The following POLD2 variants were observed in gnomAD, a reference collection of about 807,000 sequenced individuals.
POLD2 encodes the protein DNA polymerase delta 2, accessory subunit, also known as DNA polymerase delta subunit 2.
A neutral mutation model predicts 48.8 loss-of-function variants in POLD2; 31 were observed. The ratio of observed to expected loss-of-function variants is 0.64; its 90% confidence interval spans 0.48 to 0.86. The LOEUF (loss-of-function observed/expected upper bound fraction) is 0.86. Ranked by LOEUF, POLD2 falls within the 40% of genes least tolerant of loss-of-function variation. The pLI is 0.00. For missense variants in POLD2, 455 were observed against 610.1 expected (o/e 0.75, Z 2.68); for synonymous variants, 233 against 256.3 (o/e 0.91, Z 0.87).
In POLD2 at chr7:44,117,174, G is replaced by T. The variant is rs766263418; in HGVS notation, c.540C>A (p.Asp180Glu). 1.2e-6 allele frequency: 2 copies of T among 1,614,068 alleles called. No individual in the cohort carries two copies. The highest frequency in any genetic ancestry group is 2.2e-5 in the South Asian group (2 of 91,082). ...KFLVEDYCFA[D>E]LAPQKPAPPL... ...GGGGTGCGGGCTTCTGGGGAGCAAG[G>T]TCAGCAAAGCAATAGTCCTCCACCA... Residue 180 changes from aspartate (D) to glutamate (E), a missense_variant, in exon 5 of 11, where the codon GAC (aspartate) becomes GAA (glutamate). This residue lies in a region of POLD2 where 349 missense variants were observed against 437.4 expected (regional missense o/e 0.80). Coordinates refer to ENST00000610533, the MANE Select transcript of POLD2 (RefSeq NM_006230.4).
Position 44,123,205 on chromosome 7 carries a change from C to A in POLD2, c.-57+306G>T, listed in dbSNP as rs977306063. ...AGAAAGTTAAAAAATTCCCTAGCGG[C>A]TTGCAATCTATCTCCACGGGACAGC... is the stretch of plus-strand genomic sequence containing the variant. On this transcript the variant is annotated intron_variant, in intron 1 of 10. Transcript: ENST00000610533. The A allele has an allele frequency of 9.6e-6, 12 of 1,253,670 alleles. No homozygotes were observed. In the African/African-American group the frequency reaches 1.4e-4, roughly 15 times the overall value. 77.7% of individuals were successfully genotyped at this position (1,253,670 alleles called of 1,614,324 possible). A position where few individuals can be genotyped will look rare whatever the true frequency, so the allele number is the denominator to read the frequency against.
At chr7:44,117,464 C>T in intron 4 of POLD2, 155 bp downstream of exon 4, 4 of 972,114 alleles carry the variant, frequency 4.1e-6, no homozygotes, top group Non-Finnish European at 6.1e-6. Flanking sequence ...TGATGGCCTC[C>T]GACCGCCTGG....
intron 2 of POLD2, among the ~76,000 whole-genome samples, chr7:44,118,553 T>C (rs3217959): frequency 0.026 from 3,921 of 152,308 alleles, 74 homozygotes; most frequent in South Asian, 0.052. Flanking sequence ...CTCGCTGTCA[T>C]CCAGGCTGGA....
chr7:44,119,835 C>T (rs2096245890), intron 2 of POLD2, among the ~76,000 whole-genome samples: 1 of 152,256 alleles, frequency 6.6e-6, no homozygotes, highest in Non-Finnish European at 1.5e-5. Flanking sequence ...AGTAACTCGC[C>T]ACAGTGACAA....
rs2096237083 is a variant in POLD2, at chr7:44,115,402, G to T, written c.1148-6C>A. 1 of 1,575,298 alleles carries T rather than the reference G, an allele frequency of 6.3e-7. No individual in the cohort carries two copies. Among genetic ancestry groups the T allele is most frequent in the African/African-American group, 1.3e-5 (1 of 74,146 alleles). ...TTTGTAGAAGGGGTAACAACCTGGA[G>T]GAGAAGGGGCAGCTCTGAGGAGGGT... On this transcript the variant is annotated splice_region_variant and splice_polypyrimidine_tract_variant and intron_variant, in intron 9 of 10. Coordinates refer to ENST00000610533, the MANE Select transcript of POLD2 (RefSeq NM_006230.4).
rs2096235675 is a variant in POLD2 at position 44,114,865 on chromosome 7, T to C, written c.1330A>G (p.Ser444Gly). Reference sequence around the variant, plus strand: ...AAGCTGATGGGCTGGCAGGCCAGGCTGCGCAGGTTCACAAGGCAGGCGGTC... The same window carrying C: ...AAGCTGATGGGCTGGCAGGCCAGGCCGCGCAGGTTCACAAGGCAGGCGGTC... ...TQTACLVNLR[S>G]LACQPISFSG... Residue 444 changes from serine to glycine, a missense_variant, in exon 11 of 11, where the codon AGC becomes GGC. Physicochemically the swap from Ser to Gly is moderately conservative, Grantham distance 56. Coordinates refer to ENST00000610533, the MANE Select transcript of POLD2 (RefSeq NM_006230.4). 1 of 1,613,882 alleles carries C rather than the reference T, an allele frequency of 6.2e-7. No homozygotes were observed. The highest frequency in any genetic ancestry group is 8.5e-7 in the Non-Finnish European group (1 of 1,179,882).
chr7:44,118,932 G>A (rs1206107958), intron 2 of POLD2, among the ~76,000 whole-genome samples: 1 of 152,100 alleles, frequency 6.6e-6, no homozygotes, highest in African/African-American at 2.4e-5. Flanking sequence ...CTCTTAAAAA[G>A]AAGCATGCCA....
chr7:44,121,483 G>A lies in POLD2; in HGVS notation c.220+351C>T, dbSNP rs1048736441. 2.0e-5 allele frequency among the ~76,000 whole-genome samples: 3 copies of A among 152,114 alleles called. No individual in the cohort carries two copies. Among genetic ancestry groups the A allele is most frequent in the Non-Finnish European group, 4.4e-5 (3 of 68,036 alleles). Reference sequence around the variant, plus strand: ...CCAGTCTTGGCTCCTGGTGCCTGGCGCCAGGCTTGCCACACTGAGGGGCTC... The same window carrying A: ...CCAGTCTTGGCTCCTGGTGCCTGGCACCAGGCTTGCCACACTGAGGGGCTC... On this transcript the variant is annotated intron_variant, in intron 2 of 10. Transcript: ENST00000610533. The surrounding 1 kb of genome is among the most constrained non-coding windows in gnomAD (Gnocchi z 4.5).
intron 2 of POLD2, among the ~76,000 whole-genome samples, chr7:44,118,637 C>G (rs377680813): frequency 6.6e-6 from 1 of 152,032 alleles, no homozygotes; most frequent in Non-Finnish European, 1.5e-5. Context: ...CTCAGCCTCC[C>G]GAGTAGCTGG....
At chr7:44,117,525 C>CA (rs1209162615) in intron 4 of POLD2, 94 bp downstream of exon 4, 22 of 1,469,022 alleles carry the variant, frequency 1.5e-5, no homozygotes, top group Non-Finnish European at 2.0e-5. Flanking sequence ...CACACCCCCC[C>CA]ACTCCCCCCA....
chr7:44,123,237 C>T, intron 1 of POLD2: 1 of 1,347,362 alleles, frequency 7.4e-7, no homozygotes, highest in Non-Finnish European at 9.5e-7. Context: ...CAGCACTGGC[C>T]TGGGACACAG....
chr7:44,121,829 C>T lies in POLD2; in HGVS notation c.220+5G>A. The T allele has an allele frequency of 3.1e-6, 5 of 1,610,310 alleles. No homozygotes were observed. Among genetic ancestry groups the T allele is most frequent in the Non-Finnish European group, 4.2e-6 (5 of 1,178,246 alleles). ...GGGGAAGCACCTTCCCAAACTCTCACTTACCCCAGTGCTGCTGGGCCCGGT... is the reference window on the plus strand; with the variant it reads ...GGGGAAGCACCTTCCCAAACTCTCATTTACCCCAGTGCTGCTGGGCCCGGT... On this transcript the variant is annotated splice_donor_5th_base_variant and intron_variant, in intron 2 of 10. Coordinates refer to ENST00000610533, the MANE Select transcript of POLD2 (RefSeq NM_006230.4). This position sits in a 1 kb window ranked among gnomAD's most constrained non-coding sequence, Gnocchi z 4.5.
intron 1 of POLD2, 189 bp downstream of exon 1, chr7:44,123,322 G>C: frequency 1.5e-6 from 2 of 1,365,936 alleles, no homozygotes; most frequent in Non-Finnish European, 1.9e-6. Flanking sequence ...GCAGCAGCCA[G>C]GCCGCGCTAC....
chr7:44,120,249 C>T (rs538109781), intron 2 of POLD2, among the ~76,000 whole-genome samples: 5 of 152,310 alleles, frequency 3.3e-5, no homozygotes, highest in East Asian at 1.9e-4. Context: ...ACAGTGAAAT[C>T]GCTATCGTCC....
rs769262001 is a variant in POLD2 at position 44,115,938 on chromosome 7, A to G, written c.1020-45T>C. On this transcript the variant is annotated intron_variant, in intron 8 of 10. Transcript: ENST00000610533. ...TGACTCTTGGCTTTGGGTGCCACCC[A>G]TAGTGGTCAGCCCAGAGCTCATCTG... 16 of 1,613,722 alleles carry G rather than the reference A, an allele frequency of 9.9e-6. No homozygotes were observed. In the Admixed American group the frequency reaches 2.5e-4, roughly 25 times the overall value.
chr7:44,117,327 A>T (rs1166696964), intron 4 of POLD2, 80 bp from the exon 5 acceptor site: 1 of 1,035,220 alleles, frequency 9.7e-7, no homozygotes, highest in Non-Finnish European at 1.5e-6. Context: ...GGGCAAAACA[A>T]GCCAGTTCTC....
At position 44,121,078 on chromosome 7, in the gene POLD2, G is replaced by T. The variant is rs1334512856; in HGVS notation, c.220+756C>A. Among the ~76,000 whole-genome samples the T allele has an allele frequency of 9.2e-5, 14 of 152,178 alleles. No individual in the cohort carries two copies. The highest frequency in any genetic ancestry group is 2.9e-5 in the Non-Finnish European group (2 of 68,048). ...GCCTGGTGCCAAGGACAGTAAAAAT[G>T]AGTAAGACCTGGTCTCACCTACTAA... On this transcript the variant is annotated intron_variant, in intron 2 of 10. Coordinates refer to ENST00000610533, the MANE Select transcript of POLD2 (RefSeq NM_006230.4). The surrounding 1 kb of genome is among the most constrained non-coding windows in gnomAD (Gnocchi z 4.5).
At chr7:44,123,595 C>T, upstream of POLD2, 1 of 1,444,594 alleles carries the variant, frequency 6.9e-7, no homozygotes, top group Non-Finnish European at 9.0e-7. Flanking sequence ...GGCTTCCCCG[C>T]CCATCGCCTA....
chr7:44,121,779 C>A lies in POLD2; in HGVS notation c.220+55G>T. 1 of 1,531,812 alleles carries A rather than the reference C, an allele frequency of 6.5e-7. No individual in the cohort carries two copies. The highest frequency in any genetic ancestry group is 8.9e-7 in the Non-Finnish European group (1 of 1,128,162). 94.9% of individuals were successfully genotyped at this position (1,531,812 alleles called of 1,614,324 possible). ...AAACTGTTCCCATTCTCTTGCAGAA[C>A]ACTTCTAAGTTCAGGGATGCTGTGG... is the stretch of plus-strand genomic sequence containing the variant. On this transcript the variant is annotated intron_variant, in intron 2 of 10. Coordinates refer to ENST00000610533, the MANE Select transcript of POLD2 (RefSeq NM_006230.4). This position sits in a 1 kb window ranked among gnomAD's most constrained non-coding sequence, Gnocchi z 4.5.
Sources: gnomAD v4.1 joint callset for allele counts (sites outside exome capture counted in the v4.1 genomes callset) on GRCh38, gnomAD v4.1.1 for gene constraint, gnomAD v4.1.1 regional missense constraint, Gnocchi (gnomAD v3.1) non-coding constraint, MANE v1.5 for transcripts, NCBI Gene and HGNC (gene_info 2026-07-23, HGNC 2026-07-21) for gene names.